SHROOM2: variants seen among roughly 807,000 people sequenced by gnomAD.
SHROOM2 encodes protein Shroom2.
Under a neutral mutation model 75.9 loss-of-function variants are expected in SHROOM2, and 33 were observed. The ratio of observed to expected loss-of-function variants is 0.43; its 90% CI spans 0.33 to 0.58. SHROOM2 has a LOEUF of 0.58. Ranked by LOEUF, SHROOM2 falls within the 20% of genes least tolerant of loss-of-function variation. The pLI, the probability that SHROOM2 is intolerant of heterozygous loss-of-function variation, is 0.04. For missense variants in SHROOM2, 1,434 were observed against 1,461.2 expected (o/e 0.98, Z 0.30); for synonymous variants, 655 against 663.6 (o/e 0.99, Z 0.20).
intron 1 of SHROOM2, among the ~76,000 whole-genome samples, chrX:9,792,189 T>TATTCTGGAG (rs1262151202): frequency 6.4e-5 from 7 of 109,599 alleles, no homozygotes; most frequent in Non-Finnish European, 7.6e-5. Flanking sequence ...AGGGAGGGTG[T>TATTCTGGAG]ATTCTGGAGG....
intron 1 of SHROOM2, among the ~76,000 whole-genome samples, chrX:9,854,528 T>G (rs750319297): frequency 1.8e-5 from 2 of 112,368 alleles, no homozygotes; most frequent in African/African-American, 3.2e-5. Flanking sequence ...GTTTTAAAGC[T>G]TTGGTGCCCA....
At chrX:9,852,756 A>C (rs2084047549) in intron 1 of SHROOM2, among the ~76,000 whole-genome samples, 1 of 112,761 alleles carries the variant, frequency 8.9e-6, no homozygotes, top group African/African-American at 3.2e-5. Context: ...GCAGAATTGT[A>C]AAGCTAGAAA....
At chrX:9,847,412 T>C (rs1476716408) in intron 1 of SHROOM2, among the ~76,000 whole-genome samples, 4 of 112,359 alleles carry the variant, frequency 3.6e-5, no homozygotes, top group Non-Finnish European at 7.5e-5. Context: ...TTAGTGGTTG[T>C]CACAATAGCT....
chrX:9,860,484 C>T (rs1278271085), intron 1 of SHROOM2, among the ~76,000 whole-genome samples: 1 of 110,923 alleles, frequency 9.0e-6, no homozygotes, highest in Non-Finnish European at 1.9e-5. Flanking sequence ...AGTGCAGTGG[C>T]GTGATTTTGG....
intron 1 of SHROOM2, among the ~76,000 whole-genome samples, chrX:9,807,189 A>G (rs1647758805): frequency 8.9e-6 from 1 of 112,134 alleles, no homozygotes; most frequent in Non-Finnish European, 1.9e-5. Flanking sequence ...ATCCCCCAGC[A>G]GGGTCACAGC....
At position 9,786,476 on chromosome X, in the gene SHROOM2, C is replaced by T. The variant is rs1233704534; in HGVS notation, c.-70C>T. 3.9e-6 allele frequency: 3 copies of T among 775,514 alleles called. No individual in the cohort carries two copies. The highest frequency in any genetic ancestry group is 1.4e-4 in the East Asian group (2 of 14,181). 63.9% of individuals were successfully genotyped at this position (775,514 alleles called of 1,213,427 possible). On this transcript the variant is annotated 5_prime_UTR_variant, in exon 1 of 10. Transcript: ENST00000380913. ...CAAGTTCTGCGGCGCTCGGAGCCTCCCTTGCGATCCCACGGCCGGGACTGC... is the reference window on the plus strand; with the variant it reads ...CAAGTTCTGCGGCGCTCGGAGCCTCTCTTGCGATCCCACGGCCGGGACTGC...
intron 1 of SHROOM2, among the ~76,000 whole-genome samples, chrX:9,860,503 A>C (rs2084097715): frequency 9.0e-6 from 1 of 111,306 alleles, no homozygotes; most frequent in African/African-American, 3.3e-5. Context: ...GGCTCACTGC[A>C]ACCTCCACCT....
At chrX:9,824,405 T>C (rs1034076422) in intron 1 of SHROOM2, among the ~76,000 whole-genome samples, 6 of 111,079 alleles carry the variant, frequency 5.4e-5, no homozygotes, top group Non-Finnish European at 9.4e-5. Flanking sequence ...ACCATTGCAC[T>C]CCAGCCTGGG....
chrX:9,855,295 T>TTAAA lies in SHROOM2; in HGVS notation c.166-18357_166-18356insTAAA, dbSNP rs1555927810. Among the ~76,000 whole-genome samples the TTAAA allele has an allele frequency of 1.7e-3, 67 of 39,291 alleles. 9 individuals are homozygous for TTAAA. Among genetic ancestry groups the TTAAA allele is most frequent in the African/African-American group, 5.3e-3 (57 of 10,798 alleles). 34.1% of individuals were successfully genotyped at this position (39,291 alleles called of 115,157 possible). A position where few individuals can be genotyped will look rare whatever the true frequency, so the allele number is the denominator to read the frequency against. On this transcript the variant is annotated intron_variant, in intron 1 of 9. Transcript: ENST00000380913. ...ATGTATCCCAGAACTTAAAGTATAG[T>TTAAA]AAAAAAAAAAAAAAAAAAAAAAAAA...
chrX:9,924,812 T>C (rs1208288564), intron 5 of SHROOM2, among the ~76,000 whole-genome samples: 1 of 111,559 alleles, frequency 9.0e-6, no homozygotes, highest in East Asian at 2.8e-4. Context: ...TGCATCACCA[T>C]ACCTGGCTAA....
At chrX:9,901,763 C>T (rs1255230986) in intron 5 of SHROOM2, among the ~76,000 whole-genome samples, 2 of 112,301 alleles carry the variant, frequency 1.8e-5, no homozygotes, top group African/African-American at 3.2e-5. Context: ...ACTCACATCA[C>T]GGATGTATTT....
chrX:9,881,452 T>C (rs1454787400), intron 2 of SHROOM2, among the ~76,000 whole-genome samples: 2 of 111,219 alleles, frequency 1.8e-5, no homozygotes, highest in African/African-American at 6.6e-5. Flanking sequence ...AGATGATAAG[T>C]GATCAAATAA....
intron 1 of SHROOM2, among the ~76,000 whole-genome samples, chrX:9,836,351 G>A (rs997244681): frequency 9.0e-6 from 1 of 111,448 alleles, no homozygotes; most frequent in African/African-American, 3.3e-5. Flanking sequence ...CATAGACAGC[G>A]CTCAACAGAT....
intron 1 of SHROOM2, among the ~76,000 whole-genome samples, chrX:9,795,375 A>G (rs1466898565): frequency 8.9e-6 from 1 of 111,778 alleles, no homozygotes; most frequent in Non-Finnish European, 1.9e-5. Context: ...TAAGTTTTAA[A>G]TGTATGTCCT....
At chrX:9,898,852 T>C (rs896247717) in intron 5 of SHROOM2, among the ~76,000 whole-genome samples, 5 of 112,110 alleles carry the variant, frequency 4.5e-5, no homozygotes, top group African/African-American at 1.3e-4. Flanking sequence ...CTGCAGGAAC[T>C]GTGGCAGCAG....
At chrX:9,926,246 T>A (rs1175040482) in intron 5 of SHROOM2, among the ~76,000 whole-genome samples, 7 of 112,189 alleles carry the variant, frequency 6.2e-5, no homozygotes, top group Non-Finnish European at 1.3e-4. Context: ...GGATCCCGAT[T>A]GGATGTGTCT....
At chrX:9,849,979 G>A (rs1260726896) in intron 1 of SHROOM2, among the ~76,000 whole-genome samples, 1 of 112,123 alleles carries the variant, frequency 8.9e-6, no homozygotes, top group Non-Finnish European at 1.9e-5. Context: ...CTGTTTTGGT[G>A]GGGAGGATTG....
rs192556048 is a variant in SHROOM2, at chrX:9,894,912, C to T, written c.1004C>T (p.Ala335Val). Residue 335 changes from alanine (A) to valine (V), a missense_variant, in exon 4 of 10, where the codon GCC becomes GTC. Ala to Val is a moderately conservative substitution (Grantham distance 64). Around this residue, in one of 3 missense-constraint regions of SHROOM2, gnomAD observed 1,340 missense variants for 1,338.3 expected, o/e 1.00. Coordinates refer to ENST00000380913, the MANE Select transcript of SHROOM2 (RefSeq NM_001649.4). ...GCTGCCACCAAGAGCCACGAGAAGG[C>T]CCAGGGCCCTGTGTTCTCAGAGGCG... is the stretch of plus-strand genomic sequence containing the variant. The part of the protein sequence containing the change: ...SFAATKSHEK[A>V]QGPVFSEAAA... 4.3e-5 allele frequency: 52 copies of T among 1,209,858 alleles called. No individual in the cohort carries two copies. Among genetic ancestry groups the T allele is most frequent in the Non-Finnish European group, 5.4e-5 (48 of 894,967 alleles).
At chrX:9,938,595 C>A (rs2084738688) in intron 7 of SHROOM2, among the ~76,000 whole-genome samples, 1 of 112,302 alleles carries the variant, frequency 8.9e-6, no homozygotes, top group African/African-American at 3.2e-5. Flanking sequence ...TTACACCTGC[C>A]TGAACAAATG....
Sources: allele counts gnomAD v4.1 joint callset (sites outside exome capture counted in the v4.1 genomes callset), GRCh38; gene constraint gnomAD v4.1.1; regional missense constraint gnomAD v4.1.1; transcripts MANE v1.5; gene names NCBI Gene and HGNC (gene_info 2026-07-23, HGNC 2026-07-21).